SSBP2: variants seen among roughly 807,000 people sequenced by gnomAD.
SSBP2 encodes the protein single-stranded DNA-binding protein 2.
Under a neutral mutation model 61.8 loss-of-function variants are expected in SSBP2, and 17 were observed. That is an observed-to-expected ratio of 0.28 (90% CI 0.19 to 0.41). The LOEUF (loss-of-function observed/expected upper bound fraction) is 0.41, where lower values mean the gene tolerates loss of function less well. SSBP2 is among the 10% of genes least tolerant of loss of function. SSBP2 has a pLI of 1.00. For synonymous variants in SSBP2, 139 were observed against 141.3 expected (o/e 0.98, Z 0.12); for missense variants, 310 against 458.7 (o/e 0.68, Z 2.96).
At chr5:81,549,430 C>T (rs1420394582) in intron 4 of SSBP2, among the ~76,000 whole-genome samples, 2 of 152,192 alleles carry the variant, frequency 1.3e-5, no homozygotes, top group Non-Finnish European at 2.9e-5. Flanking sequence ...ACCTCCACGC[C>T]CTGAATCCAA....
At chr5:81,455,234 C>T (rs1335743927) in intron 10 of SSBP2, among the ~76,000 whole-genome samples, 5 of 152,080 alleles carry the variant, frequency 3.3e-5, no homozygotes, top group Admixed American at 3.3e-4. Context: ...TCCTGTGATC[C>T]TAGCTCAGTT....
At chr5:81,656,750 C>T (rs1440628407) in intron 1 of SSBP2, among the ~76,000 whole-genome samples, 2 of 151,596 alleles carry the variant, frequency 1.3e-5, no homozygotes, top group Non-Finnish European at 2.9e-5. Context: ...ACTGTTCAAC[C>T]TCCTAGTCAT....
intron 1 of SSBP2, among the ~76,000 whole-genome samples, chr5:81,743,324 T>C (rs1400751126): frequency 6.6e-6 from 1 of 152,214 alleles, no homozygotes; most frequent in Non-Finnish European, 1.5e-5. Context: ...CTGGTCTTTC[T>C]ATGGCTGATT....
chr5:81,581,905 A>T (rs1053050232), intron 4 of SSBP2, among the ~76,000 whole-genome samples: 3 of 152,186 alleles, frequency 2.0e-5, no homozygotes, highest in African/African-American at 7.2e-5. Flanking sequence ...CTAAAAATAT[A>T]AAAACATTCA....
intron 4 of SSBP2, among the ~76,000 whole-genome samples, chr5:81,549,805 T>G (rs866318460): frequency 8.5e-5 from 13 of 152,214 alleles, no homozygotes; most frequent in Admixed American, 1.3e-4. Context: ...CATAGGCTCT[T>G]GAAACCACCA....
intron 1 of SSBP2, among the ~76,000 whole-genome samples, chr5:81,743,598 T>C (rs936105586): frequency 3.3e-5 from 5 of 152,224 alleles, no homozygotes; most frequent in Non-Finnish European, 7.3e-5. Context: ...GATCCCAAGT[T>C]TTGTTTAGGT....
intron 4 of SSBP2, among the ~76,000 whole-genome samples, chr5:81,575,782 A>T (rs1343081218): frequency 6.6e-6 from 1 of 152,216 alleles, no homozygotes; most frequent in Non-Finnish European, 1.5e-5. Context: ...AAGGACAAAA[A>T]ACAAGATATA....
chr5:81,669,824 G>GA (rs1433633797), intron 1 of SSBP2, among the ~76,000 whole-genome samples: 2 of 151,604 alleles, frequency 1.3e-5, no homozygotes, highest in East Asian at 3.9e-4. Flanking sequence ...AGAAAAAAAA[G>GA]AAAAAGAAAA....
At chr5:81,600,058 T>A (rs1208421685) in intron 4 of SSBP2, among the ~76,000 whole-genome samples, 1 of 152,206 alleles carries the variant, frequency 6.6e-6, no homozygotes, top group Non-Finnish European at 1.5e-5. Flanking sequence ...ATAAATGTTA[T>A]TTTTTTAATT....
intron 2 of SSBP2, among the ~76,000 whole-genome samples, chr5:81,638,848 G>C (rs1748505158): frequency 6.6e-6 from 1 of 152,090 alleles, no homozygotes; most frequent in Non-Finnish European, 1.5e-5. Flanking sequence ...AAGTAAAAAT[G>C]AATCATTTAA....
At chr5:81,453,346 G>T (rs1035152312) in intron 10 of SSBP2, among the ~76,000 whole-genome samples, 5 of 151,950 alleles carry the variant, frequency 3.3e-5, no homozygotes, top group South Asian at 2.1e-4. Flanking sequence ...AAGAATGGTG[G>T]ATATGTGACT....
chr5:81,695,553 A>C (rs1485357445), intron 1 of SSBP2, among the ~76,000 whole-genome samples: 1 of 137,112 alleles, frequency 7.3e-6, no homozygotes. Context: ...CCTGTGTCCA[A>C]GTGTTCTCAT....
chr5:81,543,345 C>G (rs1265194658), intron 4 of SSBP2, among the ~76,000 whole-genome samples: 1 of 152,200 alleles, frequency 6.6e-6, no homozygotes, highest in Non-Finnish European at 1.5e-5. Flanking sequence ...TACACATGTC[C>G]TTTGCAGCAA....
intron 4 of SSBP2, 103 bp downstream of exon 4, chr5:81,615,370 T>G (rs1745910062): frequency 1.2e-5 from 10 of 864,974 alleles, no homozygotes; most frequent in Admixed American, 2.1e-5. Flanking sequence ...AACAATTTCT[T>G]AAGTACCAAA....
At chr5:81,489,830 G>C (rs1307924443) in intron 5 of SSBP2, among the ~76,000 whole-genome samples, 2 of 151,962 alleles carry the variant, frequency 1.3e-5, no homozygotes, top group African/African-American at 4.8e-5. Context: ...AAAAGCTCTG[G>C]CTTTTCCTCA....
intron 4 of SSBP2, among the ~76,000 whole-genome samples, chr5:81,597,752 G>A (rs913574849): frequency 1.7e-4 from 26 of 150,498 alleles, no homozygotes; most frequent in South Asian, 6.3e-4. Flanking sequence ...GCAAACTATC[G>A]CAAGGACAAA....
chr5:81,656,140 C>G (rs1416823739), intron 1 of SSBP2, among the ~76,000 whole-genome samples: 1 of 152,138 alleles, frequency 6.6e-6, no homozygotes, highest in Admixed American at 6.5e-5. Flanking sequence ...CAACCTCTGC[C>G]TCCCAGGTTC....
At chr5:81,694,075 C>A (rs981097677) in intron 1 of SSBP2, among the ~76,000 whole-genome samples, 4 of 152,118 alleles carry the variant, frequency 2.6e-5, no homozygotes, top group Non-Finnish European at 5.9e-5. Context: ...AAGCCAGGCA[C>A]AGAAAGACAA....
At chr5:81,683,664 C>T (rs1184268420) in intron 1 of SSBP2, among the ~76,000 whole-genome samples, 1 of 152,170 alleles carries the variant, frequency 6.6e-6, no homozygotes, top group Non-Finnish European at 1.5e-5. Flanking sequence ...GTGAAAGGCA[C>T]TGTCAAGAGA....
Sources: allele counts gnomAD v4.1 joint callset (sites outside exome capture counted in the v4.1 genomes callset), GRCh38; gene constraint gnomAD v4.1.1; transcripts MANE v1.5; gene names NCBI Gene and HGNC (gene_info 2026-07-23, HGNC 2026-07-21).